PLEKHA5: variants seen among roughly 807,000 people sequenced by gnomAD.
PLEKHA5 encodes pleckstrin homology domain containing A5, also known as pleckstrin homology domain-containing family A member 5.
In PLEKHA5, 55 loss-of-function variants were observed where a neutral mutation model predicts 181.9. The observed-to-expected ratio is 0.30, with a 90% CI of 0.24 to 0.38. The LOEUF (loss-of-function observed/expected upper bound fraction) is 0.38. Among genes scored for constraint, PLEKHA5 ranks in the 10% least tolerant of loss-of-function variants. PLEKHA5 has a pLI of 1.00. For missense variants in PLEKHA5, 1,432 were observed against 1,549.5 expected, an observed-to-expected ratio of 0.92 and a Z score of 1.27; for synonymous variants, 535 against 529.4, an observed-to-expected ratio of 1.01 and a Z score of -0.15.
At chr12:19,333,844 C>T (rs142901427) in intron 20 of PLEKHA5, among the ~76,000 whole-genome samples, 6,735 of 151,966 alleles carry the variant, frequency 0.044, 162 homozygotes, top group South Asian at 0.057. Context: ...CTCCTGACCT[C>T]GTGATCCCCC....
intron 26 of PLEKHA5, among the ~76,000 whole-genome samples, chr12:19,357,829 G>T (rs9669792): frequency 1.0e-4 from 15 of 150,516 alleles, no homozygotes; most frequent in African/African-American, 3.4e-4. Flanking sequence ...TGGTAGAGAC[G>T]GGTTTTTACC....
chr12:19,366,120 T>C lies in PLEKHA5; in HGVS notation c.3754+11T>C. 6.3e-7 allele frequency: 1 copy of C among 1,592,076 alleles called. No individual in the cohort carries two copies. The highest frequency in any genetic ancestry group is 8.5e-7 in the Non-Finnish European group (1 of 1,169,712). ...ATCAAACAATGGCAGGTAGGTAGTA[T>C]ACACTTCATAATTTTCTACCTGGTG... On this transcript the variant is annotated intron_variant, in intron 30 of 31. Coordinates refer to ENST00000429027, the MANE Select transcript of PLEKHA5 (RefSeq NM_001256470.2).
At chr12:19,170,156 C>T (rs1298025538) in intron 3 of PLEKHA5, among the ~76,000 whole-genome samples, 1 of 152,162 alleles carries the variant, frequency 6.6e-6, no homozygotes, top group East Asian at 1.9e-4. Flanking sequence ...AAACCCCAAT[C>T]CCAGTATCTG....
chr12:19,313,066 AAC>A (rs1480923807), intron 15 of PLEKHA5, among the ~76,000 whole-genome samples: 1 of 152,142 alleles, frequency 6.6e-6, no homozygotes, highest in Non-Finnish European at 1.5e-5. Context: ...AGTGAAACAG[AAC>A]ACACAACCTT....
chr12:19,336,988 T>C (rs1351027083), intron 21 of PLEKHA5, among the ~76,000 whole-genome samples: 1 of 147,400 alleles, frequency 6.8e-6, no homozygotes, highest in East Asian at 2.0e-4. Flanking sequence ...TTTATCTTTT[T>C]TTTTTTTTTT....
At chr12:19,307,331 G>A in intron 15 of PLEKHA5, 1 of 318,746 alleles carries the variant, frequency 3.1e-6, no homozygotes, top group East Asian at 9.1e-5. Context: ...AATTAGCCGG[G>A]CATGGTGGCG....
chr12:19,345,018 A>C (rs1242298160), intron 22 of PLEKHA5, among the ~76,000 whole-genome samples: 1 of 151,990 alleles, frequency 6.6e-6, no homozygotes. Flanking sequence ...GCTACTTGGA[A>C]GTCTGAGGCA....
intron 10 of PLEKHA5, among the ~76,000 whole-genome samples, chr12:19,271,905 T>A (rs1327268724): frequency 6.6e-6 from 1 of 152,224 alleles, no homozygotes; most frequent in African/African-American, 2.4e-5. Flanking sequence ...CTCCTAGTTG[T>A]TGGCATTTTT....
At chr12:19,177,592 G>A (rs117714755) in intron 3 of PLEKHA5, among the ~76,000 whole-genome samples, 1 of 152,124 alleles carries the variant, frequency 6.6e-6, no homozygotes, top group East Asian at 1.9e-4. Context: ...AAGAAGTTTT[G>A]TGCTCTTCTT....
At chr12:19,133,409 A>G (rs1255848720) in intron 3 of PLEKHA5, among the ~76,000 whole-genome samples, 1 of 151,070 alleles carries the variant, frequency 6.6e-6, no homozygotes, top group Non-Finnish European at 1.5e-5. Context: ...TTTATTGTTT[A>G]ACCTTATTTG....
intron 11 of PLEKHA5, among the ~76,000 whole-genome samples, chr12:19,281,870 T>C (rs912650366): frequency 1.3e-5 from 2 of 151,918 alleles, no homozygotes; most frequent in African/African-American, 4.8e-5. Flanking sequence ...CAAGCTCGGC[T>C]TCCTGGGGTC....
intron 3 of PLEKHA5, among the ~76,000 whole-genome samples, chr12:19,234,882 GTATT>G (rs1486526032): frequency 2.0e-5 from 3 of 152,064 alleles, no homozygotes; most frequent in Non-Finnish European, 4.4e-5. Flanking sequence ...TCTTCATACA[GTATT>G]TATAGGTTAT....
intron 15 of PLEKHA5, 106 bp from the exon 16 acceptor site, chr12:19,314,708 C>A: frequency 1.4e-6 from 1 of 707,268 alleles, no homozygotes. Flanking sequence ...AACAACTGCA[C>A]TATTAGGAAG....
At chr12:19,321,791 C>G (rs552092568) in intron 18 of PLEKHA5, 1 of 152,186 alleles carries the variant, frequency 6.6e-6, no homozygotes, top group African/African-American at 2.4e-5. Context: ...AAATTTCTTG[C>G]TTATGTGTCA....
At chr12:19,149,812 A>G (rs1366162973) in intron 3 of PLEKHA5, 1 of 152,220 alleles carries the variant, frequency 6.6e-6, no homozygotes, top group African/African-American at 2.4e-5. Context: ...CCGAGTGAGC[A>G]GAAGCACCTA....
chr12:19,349,085 T>G (rs902237545), intron 25 of PLEKHA5, among the ~76,000 whole-genome samples: 6 of 73,324 alleles, frequency 8.2e-5, no homozygotes, highest in Middle Eastern at 7.7e-3. Flanking sequence ...TTCTGGTGGT[T>G]GTTTTTGTTG....
chr12:19,280,790 A>T (rs187983611), intron 11 of PLEKHA5, among the ~76,000 whole-genome samples: 35 of 150,892 alleles, frequency 2.3e-4, no homozygotes, highest in African/African-American at 8.5e-4. Flanking sequence ...AGCTCACTGC[A>T]ACCTCCACCT....
chr12:19,145,339 A>G (rs532465176), intron 3 of PLEKHA5, among the ~76,000 whole-genome samples: 97 of 152,248 alleles, frequency 6.4e-4, no homozygotes, highest in African/African-American at 2.3e-3. Context: ...GAGGACTTGT[A>G]GGAAGATGTT....
chr12:19,289,834 A>G (rs187040408), intron 13 of PLEKHA5, among the ~76,000 whole-genome samples: 40 of 152,272 alleles, frequency 2.6e-4, no homozygotes, highest in Admixed American at 1.8e-3. Context: ...AAGCACTAAC[A>G]GTGACATTTC....
Sources: allele counts gnomAD v4.1 joint callset (sites outside exome capture counted in the v4.1 genomes callset), GRCh38; gene constraint gnomAD v4.1.1; transcripts MANE v1.5; gene names NCBI Gene and HGNC (gene_info 2026-07-23, HGNC 2026-07-21).